BRIP1: variants seen among roughly 807,000 people sequenced by gnomAD.
BRIP1 encodes Fanconi anemia group J protein.
In BRIP1, 88 loss-of-function variants were observed where a neutral mutation model predicts 119.7. The observed-to-expected ratio is 0.74, with a 90% CI of 0.62 to 0.88. The LOEUF is 0.88. BRIP1 is among the 40% of genes least tolerant of loss of function. The pLI is 0.00. For missense variants in BRIP1, 1,259 were observed against 1,455.4 expected, an observed-to-expected ratio of 0.87 and a Z score of 2.20; for synonymous variants, 443 against 496.5, an observed-to-expected ratio of 0.89 and a Z score of 1.43.
rs2144484467 is a variant in BRIP1, at chr17:61,722,096, CGGT to C, written c.2380-6036_2380-6034del. Among the ~76,000 whole-genome samples, 1 of 149,642 alleles carries C rather than the reference CGGT, an allele frequency of 6.7e-6. No individual in the cohort carries two copies. Among genetic ancestry groups the C allele is most frequent in the South Asian group, 2.1e-4 (1 of 4,720 alleles). ...TTGCTCAATCACCCAGGCTGGAGTA[CGGT>C]GGCATGATCTCGGCTCACTGCAACT... On this transcript the variant is annotated intron_variant, in intron 16 of 19. Coordinates refer to ENST00000259008, the MANE Select transcript of BRIP1 (RefSeq NM_032043.3). This position sits in a 1 kb window ranked among gnomAD's most constrained non-coding sequence, Gnocchi z 4.6.
rs1567809140 is a variant in BRIP1 at position 61,776,561 on chromosome 17, AC to A, written c.1936del (p.Val646PhefsTer42). ...GCCTGACCCAATGGTACCAACCCAA[AC>A]CTAGAATATGAATATGTCATTATTA... ...EANHIIKNSQ[V>X]WVGTIGSGPK... On this transcript the variant is annotated frameshift_variant and splice_region_variant, in exon 14 of 20. Transcript: ENST00000259008. LOFTEE classifies it high-confidence loss of function. The surrounding 1 kb of genome is among the most constrained non-coding windows in gnomAD (Gnocchi z 5.0). 1 of 1,613,844 alleles carries A rather than the reference AC, an allele frequency of 6.2e-7. No homozygotes were observed. The highest frequency in any genetic ancestry group is 8.5e-7 in the Non-Finnish European group (1 of 1,179,742).
At chr17:61,771,448 C>T (rs959382596) in intron 14 of BRIP1, among the ~76,000 whole-genome samples, 10 of 152,104 alleles carry the variant, frequency 6.6e-5, no homozygotes, top group African/African-American at 2.4e-4. Context: ...CTAATAAGCA[C>T]ATGAAAATAT....
Position 61,793,421 on chromosome 17 carries a change from C to T in BRIP1, c.1473+176G>A, listed in dbSNP as rs1173902704. Among the ~76,000 whole-genome samples the T allele has an allele frequency of 6.6e-6, 1 of 152,070 alleles. No individual in the cohort carries two copies. The highest frequency in any genetic ancestry group is 1.5e-5 in the Non-Finnish European group (1 of 67,968). On this transcript the variant is annotated intron_variant, in intron 10 of 19. Coordinates refer to ENST00000259008, the MANE Select transcript of BRIP1 (RefSeq NM_032043.3). This position sits in a 1 kb window ranked among gnomAD's most constrained non-coding sequence, Gnocchi z 5.2. ...CTAAATAATGCTATATTTTCACCCA[C>T]AATTTACCCATGCCATCACTTAAAG...
At chr17:61,719,640 G>C (rs2061939444) in intron 16 of BRIP1, among the ~76,000 whole-genome samples, 1 of 151,722 alleles carries the variant, frequency 6.6e-6, no homozygotes, top group South Asian at 2.1e-4. Context: ...CAGAAGAATG[G>C]CATGAACCCA....
intron 8 of BRIP1, among the ~76,000 whole-genome samples, chr17:61,800,396 G>T (rs1444550201): frequency 6.6e-6 from 1 of 152,116 alleles, no homozygotes; most frequent in African/African-American, 2.4e-5. Flanking sequence ...AGTGGACAGG[G>T]CATTCCAAAG....
intron 13 of BRIP1, among the ~76,000 whole-genome samples, chr17:61,779,931 A>C (rs2077589005): frequency 6.6e-6 from 1 of 152,148 alleles, no homozygotes; most frequent in Non-Finnish European, 1.5e-5. Context: ...ACAGAGCCAG[A>C]CTCTGTCTCA....
rs1343102743 is a variant in BRIP1, at chr17:61,775,893, AT to A, written c.2097+507del. ...GACTTTTATTCTTTCAGATTATTTT[AT>A]TTTATTTTAGAGAGAGTCTTATTCT... On this transcript the variant is annotated intron_variant, in intron 14 of 19. Transcript: ENST00000259008. The surrounding 1 kb of genome is among the most constrained non-coding windows in gnomAD (Gnocchi z 4.4). 3 of 155,288 alleles carry A rather than the reference AT, an allele frequency of 1.9e-5. No homozygotes were observed. Among genetic ancestry groups the A allele is most frequent in the African/African-American group, 7.2e-5 (3 of 41,444 alleles). 9.6% of individuals were successfully genotyped at this position (155,288 alleles called of 1,614,324 possible). A position where few individuals can be genotyped will look rare whatever the true frequency, so the allele number is the denominator to read the frequency against.
Position 61,861,767 on chromosome 17 carries a change from T to G in BRIP1, c.-30-198A>C. On this transcript the variant is annotated intron_variant, in intron 1 of 19. Transcript: ENST00000259008. This position sits in a 1 kb window ranked among gnomAD's most constrained non-coding sequence, Gnocchi z 4.5. ...GTCTTAGAGTCTAACAAATCTAGAT[T>G]TGTATCCTTCACTCTGCCAGGTATT... 1.7e-6 allele frequency: 1 copy of G among 577,462 alleles called. No individual in the cohort carries two copies. 35.8% of individuals were successfully genotyped at this position (577,462 alleles called of 1,614,324 possible).
In BRIP1 at chr17:61,744,820, A is replaced by G. The variant is rs1253832737; in HGVS notation, c.2098-229T>C. Reference sequence around the variant, plus strand: ...GGCACAGTTAGCTGCTGCTGCTGCTACTACTACTATTATCTTGGCAATTTC... The same window carrying G: ...GGCACAGTTAGCTGCTGCTGCTGCTGCTACTACTATTATCTTGGCAATTTC... On this transcript the variant is annotated intron_variant, in intron 14 of 19. Coordinates refer to ENST00000259008, the MANE Select transcript of BRIP1 (RefSeq NM_032043.3). The surrounding 1 kb of genome is among the most constrained non-coding windows in gnomAD (Gnocchi z 5.0). Among the ~76,000 whole-genome samples the G allele has an allele frequency of 6.6e-6, 1 of 150,972 alleles. No individual in the cohort carries two copies. The highest frequency in any genetic ancestry group is 1.5e-5 in the Non-Finnish European group (1 of 67,354).
rs993332855 is a variant in BRIP1 at position 61,844,722 on chromosome 17, T to A, written c.627+2379A>T. 1.3e-5 allele frequency among the ~76,000 whole-genome samples: 2 copies of A among 152,250 alleles called. No homozygotes were observed. The highest frequency in any genetic ancestry group is 2.9e-5 in the Non-Finnish European group (2 of 68,042). ...TCTTGGTGTTAGAACCCTATTTAGGTGGCTCCAGGACTGCAAAGAGGCATT... is the reference window on the plus strand; with the variant it reads ...TCTTGGTGTTAGAACCCTATTTAGGAGGCTCCAGGACTGCAAAGAGGCATT... On this transcript the variant is annotated intron_variant, in intron 6 of 19. Coordinates refer to ENST00000259008, the MANE Select transcript of BRIP1 (RefSeq NM_032043.3). This position sits in a 1 kb window ranked among gnomAD's most constrained non-coding sequence, Gnocchi z 4.7.
At position 61,823,610 on chromosome 17, in the gene BRIP1, AG is replaced by A. The variant is rs562523043; in HGVS notation, c.628-14854del. Among the ~76,000 whole-genome samples, 6 of 152,342 alleles carry A rather than the reference AG, an allele frequency of 3.9e-5. No homozygotes were observed. The East Asian group carries it at 1.2e-3, about 29-fold the overall frequency. ...ATATAGTCAGTGATGTATAATATCA[AG>A]CTGTCTAATATACACATAATTGAAG... On this transcript the variant is annotated intron_variant, in intron 6 of 19. Transcript: ENST00000259008. This position sits in a 1 kb window ranked among gnomAD's most constrained non-coding sequence, Gnocchi z 4.8.
Position 61,778,373 on chromosome 17 carries a change from T to C in BRIP1, c.1936-1811A>G, listed in dbSNP as rs1269764196. On this transcript the variant is annotated intron_variant, in intron 13 of 19. Coordinates refer to ENST00000259008, the MANE Select transcript of BRIP1 (RefSeq NM_032043.3). This position sits in a 1 kb window ranked among gnomAD's most constrained non-coding sequence, Gnocchi z 4.4. ...AGCTGTTGTTTAATGGGAACAGAGT[T>C]TCAGTTTTTCAAGAGGAGAAAGTCT... Among the ~76,000 whole-genome samples, 1 of 152,094 alleles carries C rather than the reference T, an allele frequency of 6.6e-6. No homozygotes were observed. The highest frequency in any genetic ancestry group is 1.5e-5 in the Non-Finnish European group (1 of 68,026).
In BRIP1 at chr17:61,719,503, T is replaced by C. The variant is rs546326582; in HGVS notation, c.2380-3440A>G. 4.5e-4 allele frequency among the ~76,000 whole-genome samples: 68 copies of C among 152,010 alleles called. 3 individuals are homozygous for C. Among genetic ancestry groups the C allele is most frequent in the Non-Finnish European group, 4.7e-4 (32 of 67,988 alleles). ...ACTTTGGGAAGCTGAGGCGGGTGGA[T>C]CACAAGGTCAGGAGATCAAGACCAT... On this transcript the variant is annotated intron_variant, in intron 16 of 19. Transcript: ENST00000259008.
chr17:61,776,627 T>C lies in BRIP1; in HGVS notation c.1936-65A>G. ...AAAGGCATGGAAATTAGTATTTATT[T>C]GGAAGTATGTACATAAAAGATCAAG... is the stretch of plus-strand genomic sequence containing the variant. On this transcript the variant is annotated intron_variant, in intron 13 of 19. Transcript: ENST00000259008. The surrounding 1 kb of genome is among the most constrained non-coding windows in gnomAD (Gnocchi z 5.0). The C allele has an allele frequency of 6.6e-7, 1 of 1,519,354 alleles. No individual in the cohort carries two copies. Among genetic ancestry groups the C allele is most frequent in the Non-Finnish European group, 9.1e-7 (1 of 1,094,656 alleles). 94.1% of individuals were successfully genotyped at this position (1,519,354 alleles called of 1,614,324 possible). A position where few individuals can be genotyped will look rare whatever the true frequency, so the allele number is the denominator to read the frequency against.
At chr17:61,712,764 C>T (rs1481427953) in intron 17 of BRIP1, among the ~76,000 whole-genome samples, 1 of 151,774 alleles carries the variant, frequency 6.6e-6, no homozygotes, top group Non-Finnish European at 1.5e-5. Flanking sequence ...ATTAGCCAGG[C>T]GTGGTGGTGC....
rs1270787613 is a variant in BRIP1, at chr17:61,810,073, A to G, written c.628-1316T>C. On this transcript the variant is annotated intron_variant, in intron 6 of 19. Coordinates refer to ENST00000259008, the MANE Select transcript of BRIP1 (RefSeq NM_032043.3). This position sits in a 1 kb window ranked among gnomAD's most constrained non-coding sequence, Gnocchi z 4.7. ...AAAAGGTTCACTGATGTGCCAAATA[A>G]ACAGTCAGTCAAAGCAGATAAAGTT... Among the ~76,000 whole-genome samples the G allele has an allele frequency of 6.6e-6, 1 of 152,200 alleles. No individual in the cohort carries two copies. Among genetic ancestry groups the G allele is most frequent in the Non-Finnish European group, 1.5e-5 (1 of 68,042 alleles).
At chr17:61,685,347 ATG>A (rs2061344720) in intron 19 of BRIP1, 1 of 154,026 alleles carries the variant, frequency 6.5e-6, no homozygotes, top group Non-Finnish European at 1.4e-5. Flanking sequence ...CTTAAAATAA[ATG>A]TCTCTCACCT....
intron 16 of BRIP1, among the ~76,000 whole-genome samples, chr17:61,737,598 T>C (rs2076935532): frequency 6.6e-6 from 1 of 152,206 alleles, no homozygotes; most frequent in Non-Finnish European, 1.5e-5. Flanking sequence ...CATACAAATA[T>C]TTTCAAATAC....
chr17:61,809,449 CT>C lies in BRIP1; in HGVS notation c.628-693del, dbSNP rs528754431. 4.3e-4 allele frequency among the ~76,000 whole-genome samples: 66 copies of C among 152,188 alleles called. No homozygotes were observed. The highest frequency in any genetic ancestry group is 1.6e-3 in the African/African-American group (65 of 41,522). ...GGGTAGTTTTTCCTGGACAATTTCA[CT>C]TGTAACTCAGTTTCATAACTGAAAT... On this transcript the variant is annotated intron_variant, in intron 6 of 19. Coordinates refer to ENST00000259008, the MANE Select transcript of BRIP1 (RefSeq NM_032043.3). The surrounding 1 kb of genome is among the most constrained non-coding windows in gnomAD (Gnocchi z 5.2).
Sources: allele counts gnomAD v4.1 joint callset (sites outside exome capture counted in the v4.1 genomes callset), GRCh38; gene constraint gnomAD v4.1.1; non-coding constraint Gnocchi (gnomAD v3.1); transcripts MANE v1.5; gene names NCBI Gene and HGNC (gene_info 2026-07-23, HGNC 2026-07-21).